The following CEP89 variants were observed in gnomAD, a reference collection of about 807,000 sequenced individuals.
CEP89 encodes the protein centrosomal protein of 89 kDa.
Under a neutral mutation model 97.6 loss-of-function variants are expected in CEP89, and 95 were observed. The ratio of observed to expected loss-of-function variants is 0.97; its 90% CI spans 0.82 to 1.15. The LOEUF (loss-of-function observed/expected upper bound fraction) is 1.15, where lower values mean the gene tolerates loss of function less well. CEP89 is among the 50% of genes most tolerant of loss of function. The pLI is 0.00. For missense variants in CEP89, 869 were observed against 947.7 expected (o/e 0.92, Z 1.09); for synonymous variants, 354 against 349.1 (o/e 1.01, Z -0.16).
At chr19:32,921,986 T>C (rs1464972781) in intron 12 of CEP89, among the ~76,000 whole-genome samples, 3 of 152,216 alleles carry the variant, frequency 2.0e-5, no homozygotes, top group African/African-American at 7.2e-5. Flanking sequence ...CTATTCAAAG[T>C]GAGTAATTTT....
rs1969762587 is a variant in CEP89, at chr19:32,901,249, T to C, written c.1729A>G (p.Asn577Asp). ...EAELERAQKI[N>D]RKSQKKIEVL... Reference sequence around the variant, plus strand: ...AAAGGAAAAAAAGACACAAACCTATTGATTTTCTGTGCTCGTTCAAGTTCG... The same window carrying C: ...AAAGGAAAAAAAGACACAAACCTATCGATTTTCTGTGCTCGTTCAAGTTCG... Residue 577 changes from asparagine (N) to aspartate (D), a missense_variant, in exon 15 of 19, where the codon AAT becomes GAT. Coordinates refer to ENST00000305768, the MANE Select transcript of CEP89 (RefSeq NM_032816.5). 3 of 1,608,296 alleles carry C rather than the reference T, an allele frequency of 1.9e-6. No individual in the cohort carries two copies. Among genetic ancestry groups the C allele is most frequent in the East Asian group, 4.5e-5 (2 of 44,848 alleles).
Position 32,936,329 on chromosome 19 carries a change from G to C in CEP89, c.667+1302C>G, listed in dbSNP as rs1444854637. On this transcript the variant is annotated intron_variant, in intron 7 of 18. Transcript: ENST00000305768. The surrounding 1 kb of genome is among the most constrained non-coding windows in gnomAD (Gnocchi z 4.5). ...GGCACCCATGAGCACAGGAGGGAAA[G>C]ACAAGGGGGTGCTGAGGATGGCTCT... Among the ~76,000 whole-genome samples, 2 of 152,206 alleles carry C rather than the reference G, an allele frequency of 1.3e-5. No homozygotes were observed. Among genetic ancestry groups the C allele is most frequent in the African/African-American group, 4.8e-5 (2 of 41,462 alleles).
intron 14 of CEP89, among the ~76,000 whole-genome samples, chr19:32,911,202 T>C (rs1401727824): frequency 6.6e-6 from 1 of 152,262 alleles, no homozygotes; most frequent in African/African-American, 2.4e-5. Flanking sequence ...ATGTGGTCCA[T>C]TGTTGACTGA....
At position 32,919,304 on chromosome 19, in the gene CEP89, G is replaced by T. The variant is rs1970200413; in HGVS notation, c.1269-965C>A. On this transcript the variant is annotated intron_variant, in intron 12 of 18. Coordinates refer to ENST00000305768, the MANE Select transcript of CEP89 (RefSeq NM_032816.5). Reference sequence around the variant, plus strand: ...CTCAGCCCTCAAGATCGCAAATTCTGATTAGAATGAGCTGAAGGGACCTTA... The same window carrying T: ...CTCAGCCCTCAAGATCGCAAATTCTTATTAGAATGAGCTGAAGGGACCTTA... Among the ~76,000 whole-genome samples, 5 of 152,180 alleles carry T rather than the reference G, an allele frequency of 3.3e-5. No homozygotes were observed. The South Asian group carries it at 1.0e-3, about 32-fold the overall frequency.
chr19:32,907,658 G>A (rs1451030449), intron 14 of CEP89, among the ~76,000 whole-genome samples: 1 of 152,040 alleles, frequency 6.6e-6, no homozygotes, highest in Admixed American at 6.6e-5. Flanking sequence ...CACCATGTTG[G>A]TCAGGCTGGT....
intron 3 of CEP89, among the ~76,000 whole-genome samples, chr19:32,958,020 C>G (rs568875995): frequency 2.0e-5 from 3 of 150,956 alleles, no homozygotes; most frequent in Non-Finnish European, 4.4e-5. Context: ...AAATCCCCCC[C>G]CCGCCAAAAA....
intron 5 of CEP89, 108 bp from the exon 6 acceptor site, chr19:32,939,993 G>A (rs1014798512): frequency 1.1e-5 from 6 of 568,504 alleles, no homozygotes; most frequent in Middle Eastern, 2.8e-4. Flanking sequence ...AGCTCGACAA[G>A]GCCCAGAACA....
intron 7 of CEP89, 96 bp downstream of exon 7, chr19:32,937,535 G>T: frequency 9.3e-7 from 1 of 1,076,854 alleles, no homozygotes; most frequent in Non-Finnish European, 1.4e-6. Flanking sequence ...ACTAATACAA[G>T]AAAAAGAAAA....
chr19:32,935,746 G>T (rs1017808593), intron 7 of CEP89, among the ~76,000 whole-genome samples: 26 of 152,234 alleles, frequency 1.7e-4, no homozygotes, highest in African/African-American at 6.3e-4. Flanking sequence ...CAAGCCTCTT[G>T]CTCCATGGAG....
In CEP89 at chr19:32,933,500, T is replaced by A; in HGVS notation, c.837A>T (p.Glu279Asp). ...CCTCTTTGAGCTTTCTCTTCTCTTT[T>A]TCCATTCCCTTAAGTTTTAACTGTA... ...KELQLKLKGM[E>D]KEKRKLKEAE... The change falls in exon 8 of 19, where the codon GAA becomes GAT. Residue 279 changes from glutamate (E) to aspartate (D), a missense_variant. Physicochemically the swap from Glu to Asp is conservative, Grantham distance 45. Transcript: ENST00000305768. 6.2e-7 allele frequency: 1 copy of A among 1,614,176 alleles called. No homozygotes were observed.
chr19:32,940,933 G>T (rs1970675491), intron 5 of CEP89, among the ~76,000 whole-genome samples: 1 of 151,880 alleles, frequency 6.6e-6, no homozygotes. Context: ...GCTAATTTTT[G>T]TATTTTTAGT....
intron 16 of CEP89, among the ~76,000 whole-genome samples, chr19:32,895,633 GAAAGAAATA>G (rs1422702651): frequency 6.6e-6 from 1 of 151,276 alleles, no homozygotes; most frequent in Non-Finnish European, 1.5e-5. Flanking sequence ...TCAGGCAAGA[GAAAGAAATA>G]AAAGTCATCC....
At chr19:32,933,144 T>C (rs1032245986) in intron 8 of CEP89, among the ~76,000 whole-genome samples, 7 of 152,206 alleles carry the variant, frequency 4.6e-5, no homozygotes, top group Admixed American at 4.6e-4. Flanking sequence ...TTTTTTATGC[T>C]TCTCTTAGGG....
intron 16 of CEP89, among the ~76,000 whole-genome samples, chr19:32,898,359 T>C (rs900181385): frequency 2.6e-5 from 4 of 151,848 alleles, no homozygotes; most frequent in African/African-American, 9.7e-5. Flanking sequence ...ATTATAATGA[T>C]AGCTACCAGA....
chr19:32,953,840 C>A, intron 3 of CEP89, 39 bp from the exon 4 acceptor site: 5 of 1,297,894 alleles, frequency 3.9e-6, no homozygotes, highest in South Asian at 2.4e-5. Context: ...AACAAAAAGT[C>A]ACTTAACACT....
chr19:32,879,163 T>C lies in CEP89; in HGVS notation c.2351A>G (p.Ter784TrpextTer8), dbSNP rs780316076. ...CTACACCACGGGCTCCCGCAGATTCTAGCAGGTGGGGGCATGAGACTTCAG... is the reference window on the plus strand; with the variant it reads ...CTACACCACGGGCTCCCGCAGATTCCAGCAGGTGGGGGCATGAGACTTCAG... ...YDLKSHAPTC[*>W] The change falls in exon 19 of 19, where the codon TAG becomes TGG. Residue 784 changes from the stop codon to tryptophan, a stop_lost. Coordinates refer to ENST00000305768, the MANE Select transcript of CEP89 (RefSeq NM_032816.5). The C allele has an allele frequency of 6.2e-7, 1 of 1,605,942 alleles. No homozygotes were observed. The highest frequency in any genetic ancestry group is 1.1e-5 in the South Asian group (1 of 90,198).
At chr19:32,923,689 A>G in intron 11 of CEP89, 147 bp from the exon 12 acceptor site, 1 of 619,478 alleles carries the variant, frequency 1.6e-6, no homozygotes. Context: ...TCTCGGTACC[A>G]GCACCAGTGG....
intron 1 of CEP89, among the ~76,000 whole-genome samples, chr19:32,967,039 C>T (rs1971298490): frequency 6.6e-6 from 1 of 152,080 alleles, no homozygotes; most frequent in Admixed American, 6.6e-5. Flanking sequence ...ATTGCCCAGA[C>T]TGGTCTCGAA....
chr19:32,879,072 G>C lies in CEP89; in HGVS notation c.*90C>G, dbSNP rs1263253819. 2 of 1,045,994 alleles carry C rather than the reference G, an allele frequency of 1.9e-6. No homozygotes were observed. Among genetic ancestry groups the C allele is most frequent in the African/African-American group, 1.6e-5 (1 of 63,632 alleles). 64.8% of individuals were successfully genotyped at this position (1,045,994 alleles called of 1,614,324 possible). ...GCGTTCAGTGGGCTTACGCACCTCC[G>C]GCTGCCACCATGGGCTGCCCTGCAG... On this transcript the variant is annotated 3_prime_UTR_variant, in exon 19 of 19. Coordinates refer to ENST00000305768, the MANE Select transcript of CEP89 (RefSeq NM_032816.5).
Sources: gnomAD v4.1 joint callset for allele counts (sites outside exome capture counted in the v4.1 genomes callset) on GRCh38, gnomAD v4.1.1 for gene constraint, Gnocchi (gnomAD v3.1) non-coding constraint, MANE v1.5 for transcripts, NCBI Gene and HGNC (gene_info 2026-07-23, HGNC 2026-07-21) for gene names.